GALK1: variants seen among roughly 807,000 people sequenced by gnomAD.
The protein encoded by GALK1 is galactokinase.
A neutral mutation model predicts 38.6 loss-of-function variants in GALK1; 30 were observed. The observed-to-expected ratio is 0.78, with a 90% confidence interval of 0.58 to 1.05. The LOEUF (loss-of-function observed/expected upper bound fraction) is 1.05, where lower values mean the gene tolerates loss of function less well. Among genes scored for constraint, GALK1 ranks in the 50% least tolerant of loss-of-function variants. The pLI is 0.00. For missense variants in GALK1, 512 were observed against 540.5 expected, an observed-to-expected ratio of 0.95 and a Z score of 0.52; for synonymous variants, 240 against 233.6, an observed-to-expected ratio of 1.03 and a Z score of -0.25.
chr17:75,757,802 T>C (rs2061556136), downstream of GALK1: 32 of 662,654 alleles, frequency 4.8e-5, no homozygotes, highest in South Asian at 5.6e-4. Context: ...ACTTAATAAA[T>C]GGTTTTGCTA....
Position 75,765,153 on chromosome 17 carries a change from T to C in GALK1, c.-17A>G, listed in dbSNP as rs2061605773. On this transcript the variant is annotated 5_prime_UTR_variant, in exon 1 of 8. Coordinates refer to ENST00000588479, the MANE Select transcript of GALK1 (RefSeq NM_000154.2). ...AGCAGCCATGACGCGCGCCTGCAGC[T>C]CTGCACAGCTGCTCCGGCACAGCCC... is the stretch of plus-strand genomic sequence containing the variant. 3.3e-6 allele frequency: 5 copies of C among 1,525,022 alleles called. No individual in the cohort carries two copies. The highest frequency in any genetic ancestry group is 5.2e-5 in the East Asian group (2 of 38,638). The allele number at this position is 1,525,022 out of a possible 1,614,324, so 94.5% of individuals were successfully genotyped here.
rs370204015 is a variant in GALK1 at position 75,763,005 on chromosome 17, G to A, written c.611+9C>T. On this transcript the variant is annotated intron_variant, in intron 4 of 7. Coordinates refer to ENST00000588479, the MANE Select transcript of GALK1 (RefSeq NM_000154.2). ...CAGGGCGGGAGGGGACGAGGGGAGC[G>A]AGCCCAACCTGCAGTCAATGAGCAG... The A allele has an allele frequency of 1.1e-4, 180 of 1,612,574 alleles. No homozygotes were observed. The African/African-American group carries it at 2.2e-3, about 19-fold the overall frequency.
chr17:75,761,832 A>C (rs990327947), intron 5 of GALK1, among the ~76,000 whole-genome samples: 6 of 152,054 alleles, frequency 3.9e-5, no homozygotes, highest in Non-Finnish European at 2.9e-5. Context: ...AGCCTGGCCA[A>C]CATGGTGAAA....
chr17:75,754,981 GACATGCATGCGCACACGTACAC>G (rs2061459993), downstream of GALK1: 2 of 1,529,032 alleles, frequency 1.3e-6, no homozygotes, highest in Admixed American at 1.8e-5. Context: ...CATGTACACA[GACATGCATGCGCACACGTACAC>G]ACATGCATGC....
chr17:75,752,695 C>T, intron 8 of GALK1: 1 of 1,333,936 alleles, frequency 7.5e-7, no homozygotes, highest in Admixed American at 1.9e-5. Flanking sequence ...GTTAAGGCAG[C>T]CTTGGACAAA....
chr17:75,756,867 C>G, downstream of GALK1: 9 of 1,612,260 alleles, frequency 5.6e-6, no homozygotes, highest in Non-Finnish European at 7.6e-6. Context: ...GAGGTGCTGC[C>G]CACCCCGGGG....
Position 75,763,046 on chromosome 17 carries a change from T to G in GALK1, c.579A>C (p.Gly193=). ...GIMDQFISLM[G]QKGHALLIDC... is the part of the protein sequence containing the mutation. ...CAATGAGCAGCGCGTGGCCTTTCTGTCCCATAAGTGAGATGAACTGGTCCA... is the reference window on the plus strand; with the variant it reads ...CAATGAGCAGCGCGTGGCCTTTCTGGCCCATAAGTGAGATGAACTGGTCCA... The change falls in exon 4 of 8, where the codon GGA becomes GGC. Residue 193 remains glycine, a synonymous_variant. Coordinates refer to ENST00000588479, the MANE Select transcript of GALK1 (RefSeq NM_000154.2). The G allele has an allele frequency of 6.2e-7, 1 of 1,612,980 alleles. No individual in the cohort carries two copies. The highest frequency in any genetic ancestry group is 8.5e-7 in the Non-Finnish European group (1 of 1,179,984).
downstream of GALK1, chr17:75,755,963 T>A: frequency 1.5e-6 from 2 of 1,305,414 alleles, no homozygotes; most frequent in Non-Finnish European, 2.1e-6. Flanking sequence ...CCTTGAGCGC[T>A]AAAGCCCCCA....
downstream of GALK1, chr17:75,756,828 C>T (rs1461020173): frequency 1.9e-6 from 3 of 1,612,376 alleles, no homozygotes; most frequent in South Asian, 1.1e-5. Flanking sequence ...TCGTCGGCTA[C>T]CTGGTGACCT....
Position 75,757,950 on chromosome 17 carries a change from G to A in GALK1, c.*106C>T, listed in dbSNP as rs2061558495. ...AGAGGAGGCAGGTACCACATTGGAG[G>A]CACAAGTTTATTGAGCACCCGGATA... On this transcript the variant is annotated 3_prime_UTR_variant, in exon 8 of 8. Transcript: ENST00000588479. 2.3e-6 allele frequency: 3 copies of A among 1,299,796 alleles called. No individual in the cohort carries two copies. The highest frequency in any genetic ancestry group is 2.0e-5 in the Admixed American group (1 of 51,198). 80.5% of individuals were successfully genotyped at this position (1,299,796 alleles called of 1,614,324 possible). A position where few individuals can be genotyped will look rare whatever the true frequency, so the allele number is the denominator to read the frequency against.
chr17:75,752,396 G>A (rs772059517), intron 8 of GALK1: 3 of 1,612,700 alleles, frequency 1.9e-6, no homozygotes, highest in Middle Eastern at 3.3e-4. Context: ...GACCGGGCAG[G>A]GGGGCAGGGG....
chr17:75,754,992 GCA>G (rs2061460589), downstream of GALK1: 11 of 1,551,388 alleles, frequency 7.1e-6, no homozygotes, highest in Non-Finnish European at 9.7e-6. Context: ...ACATGCATGC[GCA>G]CACGTACACA....
chr17:75,756,362 C>T (rs977821723), downstream of GALK1: 115 of 1,569,762 alleles, frequency 7.3e-5, 1 homozygote, highest in Admixed American at 1.4e-3. Context: ...AGCTTAGGGA[C>T]GAGGAGGATC....
intron 2 of GALK1, chr17:75,763,644 TA>T: frequency 1.4e-6 from 1 of 702,476 alleles, no homozygotes; most frequent in South Asian, 1.7e-5. Flanking sequence ...GGGACACTTC[TA>T]ATTGTCCTCC....
downstream of GALK1, chr17:75,756,709 G>A (rs914721765): frequency 1.5e-5 from 25 of 1,613,168 alleles, no homozygotes; most frequent in East Asian, 2.2e-5. Flanking sequence ...CCCAGGCTCC[G>A]CCTTCACTTT....
rs1185181361 is a variant in GALK1, at chr17:75,758,387, T to C, written c.945-15A>G. ...CATAGTCGTCTCTGCAGAGAGGATATTGAAGGGGTGGGCCTGGGCCGGCCT... is the reference window on the plus strand; with the variant it reads ...CATAGTCGTCTCTGCAGAGAGGATACTGAAGGGGTGGGCCTGGGCCGGCCT... On this transcript the variant is annotated splice_polypyrimidine_tract_variant and intron_variant, in intron 6 of 7. Transcript: ENST00000588479. 6.3e-7 allele frequency: 1 copy of C among 1,584,790 alleles called. No homozygotes were observed. Among genetic ancestry groups the C allele is most frequent in the Non-Finnish European group, 8.6e-7 (1 of 1,166,122 alleles).
downstream of GALK1, chr17:75,757,708 G>C (rs569697353): frequency 1.8e-5 from 19 of 1,079,224 alleles, no homozygotes; most frequent in East Asian, 4.3e-4. Context: ...AGGCATGAAG[G>C]GGGCAAGGTC....
downstream of GALK1, chr17:75,754,995 C>T: frequency 6.5e-7 from 1 of 1,548,318 alleles, no homozygotes; most frequent in Non-Finnish European, 8.8e-7. Context: ...TGCATGCGCA[C>T]ACGTACACAC....
chr17:75,755,131 G>C (rs768939865), downstream of GALK1: 31 of 1,611,486 alleles, frequency 1.9e-5, no homozygotes, highest in Non-Finnish European at 2.5e-5. Context: ...GTCGGGCTCA[G>C]ATGAAAGGGT....
Sources: allele counts gnomAD v4.1 joint callset (sites outside exome capture counted in the v4.1 genomes callset), GRCh38; gene constraint gnomAD v4.1.1; transcripts MANE v1.5; gene names NCBI Gene and HGNC (gene_info 2026-07-23, HGNC 2026-07-21).